MPPED1: variants seen among roughly 807,000 people sequenced by gnomAD.
MPPED1 encodes the protein metallophosphoesterase domain containing 1, also known as metallophosphoesterase domain-containing protein 1.
In MPPED1, 16 loss-of-function variants were observed where a neutral mutation model predicts 36.2. The observed-to-expected ratio is 0.44, with a 90% CI of 0.30 to 0.67. MPPED1 has a LOEUF of 0.67. MPPED1 is among the 30% of genes least tolerant of loss of function. MPPED1 has a pLI of 0.10. For missense variants in MPPED1, 307 were observed against 453.4 expected (o/e 0.68, Z 2.93); for synonymous variants, 199 against 191.3 (o/e 1.04, Z -0.33).
At chr22:43,413,010 G>A (rs1427457675) in intron 1 of MPPED1, among the ~76,000 whole-genome samples, 1 of 152,180 alleles carries the variant, frequency 6.6e-6, no homozygotes, top group Non-Finnish European at 1.5e-5. Flanking sequence ...CCGGGCTCAA[G>A]CTGGGTGGCC....
chr22:43,479,051 G>A (rs1569083552), intron 4 of MPPED1, among the ~76,000 whole-genome samples: 1 of 152,148 alleles, frequency 6.6e-6, no homozygotes, highest in African/African-American at 2.4e-5. Context: ...GATCCTGCCT[G>A]GTGTCGAGTG....
intron 6 of MPPED1, 36 bp from the exon 7 acceptor site, chr22:43,505,462 G>C (rs1932789609): frequency 6.4e-7 from 1 of 1,562,558 alleles, no homozygotes; most frequent in African/African-American, 1.4e-5. Context: ...TCACTACTCT[G>C]GCTGCTGGCC....
In MPPED1 at chr22:43,478,473, T is replaced by C. The variant is rs537753689; in HGVS notation, c.632+3512T>C. Among the ~76,000 whole-genome samples, 12 of 152,122 alleles carry C rather than the reference T, an allele frequency of 7.9e-5. No homozygotes were observed. In the East Asian group the frequency reaches 1.4e-3, roughly 17 times the overall value. On this transcript the variant is annotated intron_variant, in intron 4 of 6. Coordinates refer to ENST00000443721, the MANE Select transcript of MPPED1 (RefSeq NM_001044370.2). ...CCAATTCCATCATCAATAAGAGCCATGAAGGAGGGGCCTTGGGTGCTGGGG... is the reference window on the plus strand; with the variant it reads ...CCAATTCCATCATCAATAAGAGCCACGAAGGAGGGGCCTTGGGTGCTGGGG...
At chr22:43,492,913 G>A (rs1274956806) in intron 4 of MPPED1, among the ~76,000 whole-genome samples, 1 of 152,136 alleles carries the variant, frequency 6.6e-6, no homozygotes, top group Non-Finnish European at 1.5e-5. Flanking sequence ...TGGCATTTTG[G>A]CTGCAATCCC....
intron 2 of MPPED1, among the ~76,000 whole-genome samples, chr22:43,433,127 G>A (rs1213077718): frequency 6.6e-6 from 1 of 152,032 alleles, no homozygotes; most frequent in African/African-American, 2.4e-5. Context: ...GGGGTCACTG[G>A]GGGCCCCAGA....
At chr22:43,423,654 C>G (rs540637989) in intron 1 of MPPED1, among the ~76,000 whole-genome samples, 203 of 152,308 alleles carry the variant, frequency 1.3e-3, no homozygotes, top group African/African-American at 4.6e-3. Context: ...AAAATGTTCT[C>G]CAGTCTCTAA....
intron 1 of MPPED1, among the ~76,000 whole-genome samples, chr22:43,423,582 C>T (rs1437326400): frequency 6.6e-6 from 1 of 152,132 alleles, no homozygotes; most frequent in African/African-American, 2.4e-5. Context: ...TTTATTTCAC[C>T]TTCTAGGGAG....
chr22:43,419,492 C>T (rs1249595114), intron 1 of MPPED1, among the ~76,000 whole-genome samples: 8 of 152,138 alleles, frequency 5.3e-5, no homozygotes, highest in Admixed American at 1.3e-4. Context: ...CCCTCTGTGC[C>T]AGGGAAAGCC....
chr22:43,443,832 T>C (rs975369625), intron 3 of MPPED1, among the ~76,000 whole-genome samples: 2 of 152,168 alleles, frequency 1.3e-5, no homozygotes, highest in Admixed American at 1.3e-4. Context: ...ATTTTAAAAA[T>C]AATTTTACTT....
intron 3 of MPPED1, among the ~76,000 whole-genome samples, chr22:43,462,943 A>T (rs1569077766): frequency 6.6e-6 from 1 of 152,234 alleles, no homozygotes; most frequent in Non-Finnish European, 1.5e-5. Flanking sequence ...GAAAGTGCAC[A>T]AGAGAAATAT....
chr22:43,505,063 G>A (rs1415475311), intron 6 of MPPED1, among the ~76,000 whole-genome samples: 1 of 151,450 alleles, frequency 6.6e-6, no homozygotes, highest in Non-Finnish European at 1.5e-5. Context: ...TGTTGATCAT[G>A]ATAGTGATGA....
chr22:43,425,264 T>C, intron 2 of MPPED1, 55 bp downstream of exon 2: 8 of 1,495,246 alleles, frequency 5.4e-6, no homozygotes, highest in Non-Finnish European at 4.5e-6. Flanking sequence ...CTGGGGTGGG[T>C]GCATGGTCTC....
At position 43,505,499 on chromosome 22, in the gene MPPED1, G is replaced by T; in HGVS notation, c.864G>T (p.Gly288=). ...RLHVFGHIHE[G]YGVMADGTTT... ...GATGGGCATGTGCTTACTTTCCAGG[G>T]TATGGTGTCATGGCAGATGGGACGA... The change falls in exon 7 of 7, where the codon GGG becomes GGT. Residue 288 remains glycine (G), a splice_region_variant and synonymous_variant. Transcript: ENST00000443721. The T allele has an allele frequency of 6.2e-7, 1 of 1,606,096 alleles. No individual in the cohort carries two copies. Among genetic ancestry groups the T allele is most frequent in the Middle Eastern group, 1.7e-4 (1 of 6,056 alleles).
intron 3 of MPPED1, among the ~76,000 whole-genome samples, chr22:43,473,254 G>A (rs537282749): frequency 9.8e-5 from 15 of 152,318 alleles, no homozygotes; most frequent in African/African-American, 3.6e-4. Flanking sequence ...GAGGAGTGAA[G>A]GGGGTGTCAG....
chr22:43,422,463 AG>A (rs1929307759), intron 1 of MPPED1, among the ~76,000 whole-genome samples: 1 of 152,188 alleles, frequency 6.6e-6, no homozygotes, highest in African/African-American at 2.4e-5. Context: ...GACCAGTCGT[AG>A]GGCCAGACCA....
intron 6 of MPPED1, among the ~76,000 whole-genome samples, chr22:43,504,601 G>A (rs1018353980): frequency 4.6e-5 from 7 of 151,724 alleles, no homozygotes; most frequent in African/African-American, 9.7e-5. Flanking sequence ...TGATGGTGGC[G>A]GTATGTTGGT....
intron 4 of MPPED1, among the ~76,000 whole-genome samples, chr22:43,486,183 C>T (rs750257302): frequency 1.3e-5 from 2 of 152,238 alleles, no homozygotes; most frequent in Non-Finnish European, 2.9e-5. Flanking sequence ...CACTTGGGAA[C>T]CAGGCACGTC....
chr22:43,424,795 GTT>G, intron 1 of MPPED1, 111 bp from the exon 2 acceptor site: 1 of 1,320,928 alleles, frequency 7.6e-7, no homozygotes, highest in East Asian at 2.6e-5. Context: ...GTACGACTGT[GTT>G]TTTTTTTCCT....
intron 3 of MPPED1, among the ~76,000 whole-genome samples, chr22:43,443,737 G>C (rs1010552384): frequency 6.6e-6 from 1 of 152,022 alleles, no homozygotes; most frequent in Non-Finnish European, 1.5e-5. Context: ...GTGTACAGCA[G>C]ACTTAAAATG....
Sources: gnomAD v4.1 joint callset for allele counts (sites outside exome capture counted in the v4.1 genomes callset) on GRCh38, gnomAD v4.1.1 for gene constraint, MANE v1.5 for transcripts, NCBI Gene and HGNC (gene_info 2026-07-23, HGNC 2026-07-21) for gene names.